The following CRHR1 variants were observed in gnomAD, a reference collection of about 807,000 sequenced individuals.
CRHR1 encodes corticotropin-releasing hormone receptor 1.
Under a neutral mutation model 56.0 loss-of-function variants are expected in CRHR1, and 28 were observed. That is an observed-to-expected ratio of 0.50 (90% CI 0.37 to 0.69). CRHR1 has a LOEUF of 0.69. CRHR1 is among the 30% of genes least tolerant of loss of function. The probability of loss-of-function intolerance (pLI) is 0.00; values close to 1 mark genes in which losing one functional copy is unlikely to be tolerated. For synonymous variants in CRHR1, 195 were observed against 216.5 expected (o/e 0.90, Z 0.87); for missense variants, 376 against 548.0 (o/e 0.69, Z 3.13).
intron 4 of CRHR1, among the ~76,000 whole-genome samples, chr17:45,822,852 A>C (rs1057164635): frequency 2.0e-5 from 3 of 150,430 alleles, no homozygotes; most frequent in Non-Finnish European, 4.4e-5. Context: ...ATTCCATTAA[A>C]AAAAAAAGTG....
chr17:45,835,739 A>G lies in CRHR1; in HGVS notation c.*975A>G, dbSNP rs1186116363. The G allele has an allele frequency of 6.6e-6, 1 of 152,300 alleles. No individual in the cohort carries two copies. Among genetic ancestry groups the G allele is most frequent in the Non-Finnish European group, 1.5e-5 (1 of 68,080 alleles). The allele number at this position is 152,300 out of a possible 1,614,324, so 9.4% of individuals were successfully genotyped here. ...CCATGTCCAGAGGGACTGGACAGCC[A>G]GGGCAGGGCTTTGGGGGGCACTAGA... On this transcript the variant is annotated 3_prime_UTR_variant, in exon 13 of 13. Coordinates refer to ENST00000314537, the MANE Select transcript of CRHR1 (RefSeq NM_004382.5).
chr17:45,818,450 A>T (rs114129676), intron 3 of CRHR1, among the ~76,000 whole-genome samples: 2,004 of 152,328 alleles, frequency 0.013, 44 homozygotes, highest in African/African-American at 0.045. Flanking sequence ...CTAAGTTCTC[A>T]TTCCAGCTGC....
rs1393140195 is a variant in CRHR1, at chr17:45,821,833, G to A, written c.327+393G>A. 3.3e-5 allele frequency among the ~76,000 whole-genome samples: 5 copies of A among 152,214 alleles called. No homozygotes were observed. The East Asian group carries it at 9.6e-4, about 29-fold the overall frequency. On this transcript the variant is annotated intron_variant, in intron 4 of 12. Coordinates refer to ENST00000314537, the MANE Select transcript of CRHR1 (RefSeq NM_004382.5). ...GAGATACATCCAGTTCCAGCCACAG[G>A]GCTGTATGGAAACCAGGGACGGGAT...
intron 8 of CRHR1, 135 bp downstream of exon 8, chr17:45,831,075 T>C (rs773587306): frequency 4.7e-6 from 4 of 853,166 alleles, no homozygotes; most frequent in Non-Finnish European, 7.4e-6. Flanking sequence ...AAGGGAGAGA[T>C]CTGGGGGCTG....
intron 3 of CRHR1, 77 bp from the exon 4 acceptor site, chr17:45,821,278 C>T (rs559253697): frequency 1.9e-5 from 24 of 1,286,630 alleles, no homozygotes; most frequent in African/African-American, 7.3e-5. Flanking sequence ...GATCCATCTA[C>T]GCATCCATCT....
chr17:45,804,178 C>T (rs957274604), intron 1 of CRHR1, among the ~76,000 whole-genome samples: 1 of 152,212 alleles, frequency 6.6e-6, no homozygotes, highest in Admixed American at 6.5e-5. Flanking sequence ...GTTATCATCA[C>T]TCCTGAGTCC....
intron 1 of CRHR1, among the ~76,000 whole-genome samples, chr17:45,798,528 G>GAAAAAAAAAAAAA (rs77104565): frequency 8.8e-6 from 1 of 113,620 alleles, no homozygotes. Context: ...TCCGTCTCGG[G>GAAAAAAAAAAAAA]AAAAAAAAAA....
chr17:45,810,332 G>A (rs1391820830), intron 2 of CRHR1, among the ~76,000 whole-genome samples: 2 of 152,148 alleles, frequency 1.3e-5, no homozygotes, highest in Non-Finnish European at 2.9e-5. Context: ...AGTGTCCACT[G>A]TGTGTTGGAC....
At chr17:45,793,703 G>A (rs1405893676) in intron 1 of CRHR1, among the ~76,000 whole-genome samples, 1 of 152,166 alleles carries the variant, frequency 6.6e-6, no homozygotes, top group Non-Finnish European at 1.5e-5. Flanking sequence ...CAGGGCAGGG[G>A]GGCCTAGGAG....
intron 2 of CRHR1, among the ~76,000 whole-genome samples, chr17:45,810,391 A>G (rs748982657): frequency 3.9e-5 from 6 of 152,218 alleles, no homozygotes; most frequent in Non-Finnish European, 7.3e-5. Flanking sequence ...TACTGTAGTC[A>G]GGAATATTTT....
intron 6 of CRHR1, 89 bp downstream of exon 6, chr17:45,830,303 GA>G: frequency 6.3e-7 from 1 of 1,595,834 alleles, no homozygotes; most frequent in Non-Finnish European, 8.5e-7. Flanking sequence ...GGAGCCCACA[GA>G]ACAGGAGTGG....
intron 1 of CRHR1, among the ~76,000 whole-genome samples, chr17:45,788,105 C>A (rs1238410741): frequency 6.6e-6 from 1 of 152,264 alleles, no homozygotes; most frequent in East Asian, 1.9e-4. Context: ...CCAGGTTCAG[C>A]CACACATAAG....
intron 4 of CRHR1, among the ~76,000 whole-genome samples, chr17:45,823,960 TG>T (rs1443590199): frequency 6.6e-6 from 1 of 152,152 alleles, no homozygotes; most frequent in African/African-American, 2.4e-5. Flanking sequence ...CACTCAAGGC[TG>T]GGGTGGGTTG....
intron 4 of CRHR1, among the ~76,000 whole-genome samples, chr17:45,828,358 T>C (rs2062213093): frequency 6.6e-6 from 1 of 152,246 alleles, no homozygotes; most frequent in Non-Finnish European, 1.5e-5. Flanking sequence ...ACCTCTGTGC[T>C]GTTTTCCTAC....
intron 1 of CRHR1, among the ~76,000 whole-genome samples, chr17:45,805,386 G>A (rs1007722841): frequency 6.6e-6 from 1 of 152,084 alleles, no homozygotes; most frequent in Admixed American, 6.6e-5. Flanking sequence ...GCTGGCCACC[G>A]ACCTGCTTCT....
chr17:45,829,078 C>T (rs575651243), intron 4 of CRHR1, 137 bp from the exon 5 acceptor site: 1 of 675,946 alleles, frequency 1.5e-6, no homozygotes, highest in Non-Finnish European at 2.6e-6. Flanking sequence ...GAGGCCTGAC[C>T]CTCAGCAGAT....
Position 45,784,485 on chromosome 17 carries a change from G to C in CRHR1, c.-60G>C. On this transcript the variant is annotated 5_prime_UTR_variant, in exon 1 of 13. Transcript: ENST00000314537. This position sits in a 1 kb window ranked among gnomAD's most constrained non-coding sequence, Gnocchi z 4.2. Reference sequence around the variant, plus strand: ...CGCCCGAGCCCGCAGCCGCCCGCCGGTCCCTCTGGGATGTCCGTAGGACCC... The same window carrying C: ...CGCCCGAGCCCGCAGCCGCCCGCCGCTCCCTCTGGGATGTCCGTAGGACCC... 6.8e-7 allele frequency: 1 copy of C among 1,460,862 alleles called. No individual in the cohort carries two copies. Among genetic ancestry groups the C allele is most frequent in the Non-Finnish European group, 9.1e-7 (1 of 1,097,890 alleles). 90.5% of individuals were successfully genotyped at this position (1,460,862 alleles called of 1,614,324 possible).
At chr17:45,803,753 A>AGTGTGTGT (rs1401971662) in intron 1 of CRHR1, among the ~76,000 whole-genome samples, 43 of 75,296 alleles carry the variant, frequency 5.7e-4, no homozygotes, top group Admixed American at 1.7e-3. Flanking sequence ...TGAGAGAGAG[A>AGTGTGTGT]GTGCGTGTGT....
rs1440281800 is a variant in CRHR1, at chr17:45,821,282, T to C, written c.242-73T>C. 9 of 1,342,152 alleles carry C rather than the reference T, an allele frequency of 6.7e-6. No homozygotes were observed. In the East Asian group the frequency reaches 1.8e-4, roughly 27 times the overall value. 83.1% of individuals were successfully genotyped at this position (1,342,152 alleles called of 1,614,324 possible). The stretch of plus-strand genomic sequence containing the variant: ...GGCCATCTACAGATCCATCTACGCA[T>C]CCATCTGGGCCAGGATGGTCAGGCA... On this transcript the variant is annotated intron_variant, in intron 3 of 12. Coordinates refer to ENST00000314537, the MANE Select transcript of CRHR1 (RefSeq NM_004382.5).
Sources: allele counts gnomAD v4.1 joint callset (sites outside exome capture counted in the v4.1 genomes callset), GRCh38; gene constraint gnomAD v4.1.1; non-coding constraint Gnocchi (gnomAD v3.1); transcripts MANE v1.5; gene names NCBI Gene and HGNC (gene_info 2026-07-23, HGNC 2026-07-21).